PRKN: variants seen among roughly 807,000 people sequenced by gnomAD.
PRKN encodes parkin RBR E3 ubiquitin protein ligase.
In PRKN, 56 loss-of-function variants were observed where a neutral mutation model predicts 59.5. That is an observed-to-expected ratio of 0.94 (90% confidence interval 0.76 to 1.18). PRKN has a LOEUF of 1.18. Ranked by LOEUF, PRKN falls within the 50% of genes most tolerant of loss-of-function variation. The pLI is 0.00. For missense variants in PRKN, 657 were observed against 596.4 expected (o/e 1.10, Z -1.06); for synonymous variants, 250 against 222.1 (o/e 1.13, Z -1.12).
intron 6 of PRKN, among the ~76,000 whole-genome samples, chr6:161,799,535 A>T (rs1159610516): frequency 6.6e-6 from 1 of 152,224 alleles, no homozygotes; most frequent in Non-Finnish European, 1.5e-5. Flanking sequence ...CACATAATGG[A>T]AAGGAAAAGG....
In PRKN at chr6:161,409,375, T is replaced by A. The variant is rs189564862; in HGVS notation, c.1084-22498A>T. On this transcript the variant is annotated intron_variant, in intron 9 of 11. Transcript: ENST00000366898. This position sits in a 1 kb window ranked among gnomAD's most constrained non-coding sequence, Gnocchi z 4.6. Reference sequence around the variant, plus strand: ...CTAAAGCGCCAGGTTATAACGGCCATATGTCTCCCTGAGTAGGATTTTCCA... The same window carrying A: ...CTAAAGCGCCAGGTTATAACGGCCAAATGTCTCCCTGAGTAGGATTTTCCA... Among the ~76,000 whole-genome samples the A allele has an allele frequency of 1.4e-3, 215 of 152,322 alleles. No homozygotes were observed. Among genetic ancestry groups the A allele is most frequent in the Non-Finnish European group, 2.4e-3 (160 of 68,034 alleles).
intron 4 of PRKN, among the ~76,000 whole-genome samples, chr6:162,094,778 C>T (rs1280461574): frequency 2.0e-5 from 3 of 152,132 alleles, no homozygotes; most frequent in Admixed American, 6.5e-5. Context: ...AGTTTGCCCA[C>T]ATTTAAAACT....
chr6:162,556,470 C>T (rs936292993), intron 1 of PRKN, among the ~76,000 whole-genome samples: 6 of 150,238 alleles, frequency 4.0e-5, no homozygotes, highest in African/African-American at 9.8e-5. Context: ...TAGCTAATGC[C>T]GGGCGCAGTG....
chr6:162,088,291 G>A (rs1410085233), intron 4 of PRKN, among the ~76,000 whole-genome samples: 5 of 152,130 alleles, frequency 3.3e-5, no homozygotes, highest in African/African-American at 4.8e-5. Flanking sequence ...GGGTCATCAC[G>A]TGACCTCATT....
intron 3 of PRKN, among the ~76,000 whole-genome samples, chr6:162,236,763 C>G (rs1047968227): frequency 3.3e-5 from 5 of 151,680 alleles, no homozygotes; most frequent in African/African-American, 1.2e-4. Context: ...CCATTGCACT[C>G]CGCCTGGGTG....
At chr6:161,919,785 T>C (rs937418374) in intron 6 of PRKN, among the ~76,000 whole-genome samples, 3 of 152,202 alleles carry the variant, frequency 2.0e-5, no homozygotes, top group Non-Finnish European at 2.9e-5. Flanking sequence ...CTACATGTGA[T>C]TAAAGAACTG....
At position 162,143,868 on chromosome 6, in the gene PRKN, C is replaced by A. The variant is rs142202169; in HGVS notation, c.534+57263G>T. Among the ~76,000 whole-genome samples, 178 of 152,150 alleles carry A rather than the reference C, an allele frequency of 1.2e-3. 1 individual carries two copies. Among genetic ancestry groups the A allele is most frequent in the African/African-American group, 4.1e-3 (169 of 41,510 alleles). ...GCAGCCATTCCAGGCACAGAGAACT[C>A]ATGGGGAAAAAGTCACAGAGAGATA... On this transcript the variant is annotated intron_variant, in intron 4 of 11. Coordinates refer to ENST00000366898, the MANE Select transcript of PRKN (RefSeq NM_004562.3).
At chr6:162,146,741 G>A (rs970582359) in intron 4 of PRKN, among the ~76,000 whole-genome samples, 14 of 151,960 alleles carry the variant, frequency 9.2e-5, no homozygotes, top group Non-Finnish European at 1.6e-4. Flanking sequence ...CTGACCTCAG[G>A]TGATCCGCCC....
chr6:162,284,993 A>G (rs1486196888), intron 2 of PRKN, among the ~76,000 whole-genome samples: 1 of 152,190 alleles, frequency 6.6e-6, no homozygotes, highest in Non-Finnish European at 1.5e-5. Context: ...AATCCTTTTA[A>G]GATGAGATTC....
intron 3 of PRKN, among the ~76,000 whole-genome samples, chr6:162,232,465 TG>T (rs371149950): frequency 2.7e-4 from 41 of 152,316 alleles, no homozygotes; most frequent in African/African-American, 8.9e-4. Flanking sequence ...GTTTATCAAA[TG>T]GCCAGTTGAA....
intron 1 of PRKN, among the ~76,000 whole-genome samples, chr6:162,630,617 T>C (rs1180950314): frequency 6.6e-6 from 1 of 152,150 alleles, no homozygotes; most frequent in East Asian, 1.9e-4. Context: ...GAATCTTGTA[T>C]ACAGCATTCA....
intron 7 of PRKN, among the ~76,000 whole-genome samples, chr6:161,652,905 T>C (rs1784201399): frequency 1.3e-5 from 2 of 152,174 alleles, no homozygotes; most frequent in African/African-American, 4.8e-5. Flanking sequence ...TCAACATAGT[T>C]TTTCAAACTG....
At chr6:161,897,010 C>G (rs1777653454) in intron 6 of PRKN, among the ~76,000 whole-genome samples, 1 of 152,204 alleles carries the variant, frequency 6.6e-6, no homozygotes, top group Admixed American at 6.5e-5. Flanking sequence ...ATTCCAGTAA[C>G]TCAATCAATG....
At chr6:162,424,070 A>G (rs1789106690) in intron 2 of PRKN, among the ~76,000 whole-genome samples, 3 of 152,208 alleles carry the variant, frequency 2.0e-5, no homozygotes, top group South Asian at 2.1e-4. Flanking sequence ...ACGCCATTCA[A>G]TGCAAAAAAA....
chr6:161,723,586 T>C (rs1787316993), intron 7 of PRKN, among the ~76,000 whole-genome samples: 1 of 152,074 alleles, frequency 6.6e-6, no homozygotes, highest in African/African-American at 2.4e-5. Flanking sequence ...AAGTTCAAAC[T>C]CAGGGATGAA....
At chr6:161,696,179 T>C (rs2128177370) in intron 7 of PRKN, among the ~76,000 whole-genome samples, 1 of 152,284 alleles carries the variant, frequency 6.6e-6, no homozygotes, top group South Asian at 2.1e-4. Context: ...GGCTTGGAAA[T>C]GGTAAGCATT....
chr6:161,418,426 C>T (rs1021196907), intron 9 of PRKN, among the ~76,000 whole-genome samples: 1 of 152,186 alleles, frequency 6.6e-6, no homozygotes, highest in South Asian at 2.1e-4. Flanking sequence ...ATTCATGTAT[C>T]GGCCTTGACG....
At chr6:162,334,296 A>T (rs547547120) in intron 2 of PRKN, among the ~76,000 whole-genome samples, 1 of 152,324 alleles carries the variant, frequency 6.6e-6, no homozygotes, top group South Asian at 2.1e-4. Context: ...TGGGACTTTC[A>T]TAGCTAGAGA....
chr6:161,713,043 C>A (rs193107350), intron 7 of PRKN, among the ~76,000 whole-genome samples: 235 of 152,314 alleles, frequency 1.5e-3, no homozygotes, highest in Admixed American at 4.7e-3. Context: ...GCCACCTGTA[C>A]CTCAGACCGA....
Sources: gnomAD v4.1 joint callset for allele counts (sites outside exome capture counted in the v4.1 genomes callset) on GRCh38, gnomAD v4.1.1 for gene constraint, Gnocchi (gnomAD v3.1) non-coding constraint, MANE v1.5 for transcripts, NCBI Gene and HGNC (gene_info 2026-07-23, HGNC 2026-07-21) for gene names.